Variants in MYO1H observed in about 807,000 individuals in gnomAD.
MYO1H encodes unconventional myosin-Ih.
Under a neutral mutation model 149.3 loss-of-function variants are expected in MYO1H, and 118 were observed. The observed-to-expected ratio is 0.79, with a 90% CI of 0.68 to 0.92. MYO1H has a LOEUF of 0.92. MYO1H is among the 40% of genes least tolerant of loss of function. The probability of loss-of-function intolerance (pLI) is 0.00; values close to 1 mark genes in which losing one functional copy is unlikely to be tolerated. For synonymous variants in MYO1H, 447 were observed against 465.2 expected (o/e 0.96, Z 0.50); for missense variants, 1,212 against 1,280.7 (o/e 0.95, Z 0.82).
chr12:109,440,082 T>C (rs1872050636), intron 24 of MYO1H, among the ~76,000 whole-genome samples: 1 of 151,742 alleles, frequency 6.6e-6, no homozygotes. Context: ...TCACCCAGGC[T>C]AGAGTGCAGT....
chr12:109,328,820 G>T, the MYO1H span, among the ~76,000 whole-genome samples: 3 of 152,090 alleles, frequency 2.0e-5, no homozygotes, highest in African/African-American at 7.2e-5. Context: ...TATGTTTAAG[G>T]TGTACAATGT....
chr12:109,360,232 G>A (rs1236341642), intron 1 of MYO1H, among the ~76,000 whole-genome samples: 1 of 151,932 alleles, frequency 6.6e-6, no homozygotes, highest in Non-Finnish European at 1.5e-5. Flanking sequence ...ACTGGGGAAC[G>A]TATTGGGATT....
chr12:109,311,001 T>C, the MYO1H span, among the ~76,000 whole-genome samples: 40,641 of 152,184 alleles, frequency 0.27, 5,814 homozygotes, highest in Admixed American at 0.38. Context: ...ACCAGTAAAG[T>C]TGTAAGCATT....
At chr12:109,441,891 C>T (rs1386062729) in intron 26 of MYO1H, among the ~76,000 whole-genome samples, 183 bp downstream of exon 26, 1 of 151,360 alleles carries the variant, frequency 6.6e-6, no homozygotes, top group Non-Finnish European at 1.5e-5. Context: ...AACTAAAATA[C>T]AAAATATTAG....
chr12:109,340,541 T>TA, the MYO1H span, among the ~76,000 whole-genome samples: 1 of 152,144 alleles, frequency 6.6e-6, no homozygotes, highest in Non-Finnish European at 1.5e-5. Flanking sequence ...ATGAAACAAG[T>TA]AACACTAATA....
At chr12:109,315,908 C>T in the MYO1H span, among the ~76,000 whole-genome samples, 2 of 152,198 alleles carry the variant, frequency 1.3e-5, no homozygotes, top group African/African-American at 2.4e-5. Flanking sequence ...CTCTGCCCAA[C>T]GAGGTGCTAA....
chr12:109,339,670 A>G, the MYO1H span, among the ~76,000 whole-genome samples: 3 of 152,248 alleles, frequency 2.0e-5, no homozygotes, highest in Non-Finnish European at 2.9e-5. Context: ...CAATCCAAAA[A>G]TGTTGGGAAG....
chr12:109,435,947 G>A (rs945319342), intron 21 of MYO1H, among the ~76,000 whole-genome samples: 10 of 152,308 alleles, frequency 6.6e-5, no homozygotes, highest in Middle Eastern at 3.4e-3. Context: ...ACCAGCTCGT[G>A]GGGAATAGGA....
chr12:109,408,067 T>C (rs1428663046), intron 10 of MYO1H, 154 bp downstream of exon 10: 8 of 917,688 alleles, frequency 8.7e-6, no homozygotes, highest in African/African-American at 1.6e-5. Context: ...ATGTCTAGCA[T>C]ACAGTATGGG....
At chr12:109,327,072 G>A in the MYO1H span, among the ~76,000 whole-genome samples, 2 of 150,558 alleles carry the variant, frequency 1.3e-5, no homozygotes, top group Non-Finnish European at 3.0e-5. Flanking sequence ...TTATGCTACA[G>A]TAGAATGTGT....
At chr12:109,336,060 A>C in the MYO1H span, among the ~76,000 whole-genome samples, 2 of 150,510 alleles carry the variant, frequency 1.3e-5, no homozygotes, top group Non-Finnish European at 3.0e-5. Flanking sequence ...GGCTCACTGC[A>C]TCCTCAAACC....
At chr12:109,357,353 G>C (rs1360018146) in intron 1 of MYO1H, 1 of 152,222 alleles carries the variant, frequency 6.6e-6, no homozygotes, top group Non-Finnish European at 1.5e-5. Flanking sequence ...TTGGAAAAGG[G>C]TTATATTTGA....
At chr12:109,423,905 A>G (rs546822811) in intron 16 of MYO1H, among the ~76,000 whole-genome samples, 1 of 152,308 alleles carries the variant, frequency 6.6e-6, no homozygotes, top group Non-Finnish European at 1.5e-5. Flanking sequence ...GGTGATATAG[A>G]TTATTTAAAA....
the MYO1H span, among the ~76,000 whole-genome samples, chr12:109,316,102 A>T: frequency 1.3e-3 from 195 of 150,084 alleles, 1 homozygote; most frequent in African/African-American, 4.6e-3. Context: ...TAAGAGTGTT[A>T]CATGAAAATG....
chr12:109,438,821 A>G (rs1652623907), intron 23 of MYO1H, among the ~76,000 whole-genome samples: 1 of 152,166 alleles, frequency 6.6e-6, no homozygotes, highest in African/African-American at 2.4e-5. Flanking sequence ...ATGTATTTGG[A>G]ATTTCTCTTA....
intron 22 of MYO1H, among the ~76,000 whole-genome samples, chr12:109,437,665 G>A (rs1419732266): frequency 6.6e-6 from 1 of 152,194 alleles, no homozygotes; most frequent in East Asian, 1.9e-4. Context: ...TGAGCTATGA[G>A]TATGCCACAA....
At chr12:109,370,185 C>A (rs1453235464) in intron 1 of MYO1H, among the ~76,000 whole-genome samples, 1 of 152,174 alleles carries the variant, frequency 6.6e-6, no homozygotes, top group African/African-American at 2.4e-5. Context: ...GATTCCCAGG[C>A]CCATTTCTGT....
At chr12:109,424,925 G>A (rs1319310438) in intron 17 of MYO1H, 97 bp downstream of exon 17, 1 of 864,054 alleles carries the variant, frequency 1.2e-6, no homozygotes, top group Non-Finnish European at 1.9e-6. Flanking sequence ...CCCTTTTCTG[G>A]AAGTATTACT....
At chr12:109,369,744 A>G (rs571215842) in intron 1 of MYO1H, among the ~76,000 whole-genome samples, 16 of 152,220 alleles carry the variant, frequency 1.1e-4, no homozygotes, top group Non-Finnish European at 2.4e-4. Context: ...ATAGGTCGTC[A>G]TAACCCTGTA....
Sources: allele counts gnomAD v4.1 joint callset (sites outside exome capture counted in the v4.1 genomes callset), GRCh38; gene constraint gnomAD v4.1.1; transcripts MANE v1.5; gene names NCBI Gene and HGNC (gene_info 2026-07-23, HGNC 2026-07-21).